The following COL5A1 variants were observed in gnomAD, a reference collection of about 807,000 sequenced individuals.
The protein encoded by COL5A1 is collagen alpha-1(V) chain.
In COL5A1, 16 loss-of-function variants were observed where a neutral mutation model predicts 263.7. That is an observed-to-expected ratio of 0.06 (90% CI 0.04 to 0.09). The LOEUF (loss-of-function observed/expected upper bound fraction) is 0.09, where lower values mean the gene tolerates loss of function less well. Ranked by LOEUF, COL5A1 falls within the 10% of genes least tolerant of loss-of-function variation. The probability of loss-of-function intolerance (pLI) is 1.00; values close to 1 mark genes in which losing one functional copy is unlikely to be tolerated. For synonymous variants in COL5A1, 1,012 were observed against 1,004.5 expected (o/e 1.01, Z -0.14); for missense variants, 2,036 against 2,540.5 (o/e 0.80, Z 4.27).
At chr9:134,666,546 C>T (rs1468250421) in intron 1 of COL5A1, among the ~76,000 whole-genome samples, 5 of 152,222 alleles carry the variant, frequency 3.3e-5, no homozygotes, top group African/African-American at 1.2e-4. Flanking sequence ...CAGGGACAGT[C>T]CCAGCCTGGC....
chr9:134,768,340 T>A, intron 24 of COL5A1, 70 bp from the exon 25 acceptor site: 2 of 1,338,932 alleles, frequency 1.5e-6, no homozygotes, highest in Non-Finnish European at 2.2e-6. Context: ...AAAGTAACCT[T>A]GGTGGCCGAC....
intron 13 of COL5A1, among the ~76,000 whole-genome samples, chr9:134,752,163 G>A (rs571025957): frequency 9.2e-5 from 14 of 152,280 alleles, no homozygotes; most frequent in East Asian, 5.8e-4. Flanking sequence ...TGCTTGAAGC[G>A]CCTCCCATGT....
chr9:134,780,436 A>G lies in COL5A1; in HGVS notation c.2430+290A>G, dbSNP rs34226173. On this transcript the variant is annotated intron_variant, in intron 28 of 65. Transcript: ENST00000371817. ...AGAAGGCCTTGGCCCCAGAGACAAC[A>G]CACGGCCCCCCACGTGCCTGCAGGG... Among the ~76,000 whole-genome samples the G allele has an allele frequency of 0.067, 10,131 of 152,266 alleles. 376 individuals are homozygous for G. Among genetic ancestry groups the G allele is most frequent in the Non-Finnish European group, 0.081 (5,519 of 68,014 alleles).
At position 134,680,903 on chromosome 9, in the gene COL5A1, G is replaced by A. The variant is rs975632321; in HGVS notation, c.110-10009G>A. ...AGCGCAGGGACAGGCTGGGAGTTTG[G>A]GCTCAGGTCTCCAGGTCTCCGCCTG... On this transcript the variant is annotated intron_variant, in intron 1 of 65. Coordinates refer to ENST00000371817, the MANE Select transcript of COL5A1 (RefSeq NM_000093.5). This position sits in a 1 kb window ranked among gnomAD's most constrained non-coding sequence, Gnocchi z 5.9. Among the ~76,000 whole-genome samples the A allele has an allele frequency of 6.6e-6, 1 of 152,168 alleles. No individual in the cohort carries two copies. The highest frequency in any genetic ancestry group is 2.4e-5 in the African/African-American group (1 of 41,442).
In COL5A1 at chr9:134,741,533, C is replaced by G. The variant is rs1293732984; in HGVS notation, c.1494+2725C>G. Among the ~76,000 whole-genome samples the G allele has an allele frequency of 1.3e-5, 2 of 151,816 alleles. No homozygotes were observed. Among genetic ancestry groups the G allele is most frequent in the Non-Finnish European group, 2.9e-5 (2 of 67,998 alleles). On this transcript the variant is annotated intron_variant, in intron 11 of 65. Coordinates refer to ENST00000371817, the MANE Select transcript of COL5A1 (RefSeq NM_000093.5). The surrounding 1 kb of genome is among the most constrained non-coding windows in gnomAD (Gnocchi z 4.5). ...GTTATCTTGGCAAAGTCTGTTGATG[C>G]AGATTCACTGGGGGCTGGCCTCCCT... is the stretch of plus-strand genomic sequence containing the variant.
Position 134,741,363 on chromosome 9 carries a change from T to C in COL5A1, c.1494+2555T>C, listed in dbSNP as rs905928527. ...TAAAAACCAAAAAAAGTGCTTGGGT[T>C]CGGGAGCATATATACCATTTTAACA... On this transcript the variant is annotated intron_variant, in intron 11 of 65. Transcript: ENST00000371817. This position sits in a 1 kb window ranked among gnomAD's most constrained non-coding sequence, Gnocchi z 4.5. Among the ~76,000 whole-genome samples the C allele has an allele frequency of 3.3e-5, 5 of 152,178 alleles. No homozygotes were observed. The highest frequency in any genetic ancestry group is 7.3e-5 in the Non-Finnish European group (5 of 68,038).
intron 19 of COL5A1, among the ~76,000 whole-genome samples, chr9:134,763,198 G>A (rs142256696): frequency 6.6e-6 from 1 of 152,336 alleles, no homozygotes; most frequent in African/African-American, 2.4e-5. Flanking sequence ...GAGGGACAGT[G>A]TTTGCAAACA....
At position 134,678,849 on chromosome 9, in the gene COL5A1, G is replaced by A. The variant is rs1832752608; in HGVS notation, c.110-12063G>A. Among the ~76,000 whole-genome samples the A allele has an allele frequency of 6.6e-6, 1 of 152,208 alleles. No individual in the cohort carries two copies. Among genetic ancestry groups the A allele is most frequent in the African/African-American group, 2.4e-5 (1 of 41,442 alleles). ...CCCTGAAGTGTCTGCTTTTTGCCAAGGCAGAGCCTGGGAAGAGGGAGCAGG... is the reference window on the plus strand; with the variant it reads ...CCCTGAAGTGTCTGCTTTTTGCCAAAGCAGAGCCTGGGAAGAGGGAGCAGG... On this transcript the variant is annotated intron_variant, in intron 1 of 65. Transcript: ENST00000371817. The surrounding 1 kb of genome is among the most constrained non-coding windows in gnomAD (Gnocchi z 5.5).
At chr9:134,710,534 GC>G (rs1833991150) in intron 4 of COL5A1, among the ~76,000 whole-genome samples, 1 of 140,986 alleles carries the variant, frequency 7.1e-6, no homozygotes, top group African/African-American at 2.7e-5. Flanking sequence ...TGGGGCAGGG[GC>G]CCCATTTGTT....
At chr9:134,679,237 C>A (rs886439866) in intron 1 of COL5A1, among the ~76,000 whole-genome samples, 2 of 151,990 alleles carry the variant, frequency 1.3e-5, no homozygotes, top group African/African-American at 2.4e-5. Context: ...CTGTCCCCTG[C>A]ACTGTGGGGC....
In COL5A1 at chr9:134,815,628, C is replaced by T. The variant is rs766796504; in HGVS notation, c.4067C>T (p.Ala1356Val). The T allele has an allele frequency of 3.7e-5, 60 of 1,613,482 alleles. No individual in the cohort carries two copies. Among genetic ancestry groups the T allele is most frequent in the African/African-American group, 1.2e-4 (9 of 74,888 alleles). ...DPGPPGEPGP[A>V]GQDGPPGDKG... ...GGCCCCCCCGGAGAGCCTGGCCCCGCGGTAGGTGCTCAAGAGGGCAAAGCC... is the reference window on the plus strand; with the variant it reads ...GGCCCCCCCGGAGAGCCTGGCCCCGTGGTAGGTGCTCAAGAGGGCAAAGCC... Residue 1356 changes from alanine (A) to valine (V), a missense_variant and splice_region_variant, in exon 51 of 66, where the codon GCG (alanine) becomes GTG (valine). Coordinates refer to ENST00000371817, the MANE Select transcript of COL5A1 (RefSeq NM_000093.5).
At chr9:134,826,509 GGTGTGTGGGCACATGTGGATGA>G (rs1347589515) in intron 63 of COL5A1, among the ~76,000 whole-genome samples, 1 of 152,130 alleles carries the variant, frequency 6.6e-6, no homozygotes, top group East Asian at 1.9e-4. Flanking sequence ...GCATGTGGAT[GGTGTGTGGGCACATGTGGATGA>G]GTGTGTGGAT....
chr9:134,842,091 T>C lies in COL5A1; in HGVS notation c.5371-66T>C. 2 of 1,583,534 alleles carry C rather than the reference T, an allele frequency of 1.3e-6. No homozygotes were observed. The highest frequency in any genetic ancestry group is 1.7e-6 in the Non-Finnish European group (2 of 1,154,196). On this transcript the variant is annotated intron_variant, in intron 65 of 65. Transcript: ENST00000371817. This position sits in a 1 kb window ranked among gnomAD's most constrained non-coding sequence, Gnocchi z 5.8. ...TTGGAGCCAGACAGATTGTGGGGGG[T>C]GATTGGTAAACCCCAAGACCCCCAA...
At chr9:134,785,199 T>TG in intron 30 of COL5A1, 103 bp downstream of exon 30, 2 of 854,100 alleles carry the variant, frequency 2.3e-6, no homozygotes, top group East Asian at 5.1e-5. Flanking sequence ...AGGCATGGGG[T>TG]GGGGGTGATT....
Position 134,789,095 on chromosome 9 carries a change from C to G in COL5A1, c.2647-60C>G. 1 of 1,514,830 alleles carries G rather than the reference C, an allele frequency of 6.6e-7. No homozygotes were observed. Among genetic ancestry groups the G allele is most frequent in the Non-Finnish European group, 9.2e-7 (1 of 1,092,646 alleles). The allele number at this position is 1,514,830 out of a possible 1,614,324, so 93.8% of individuals were successfully genotyped here. A position where few individuals can be genotyped will look rare whatever the true frequency, so the allele number is the denominator to read the frequency against. On this transcript the variant is annotated intron_variant, in intron 31 of 65. Coordinates refer to ENST00000371817, the MANE Select transcript of COL5A1 (RefSeq NM_000093.5). The surrounding 1 kb of genome is among the most constrained non-coding windows in gnomAD (Gnocchi z 4.8). ...CATGCAGGTGGTCCCCCAGGCGGCC[C>G]ATGCAGCATGACTCATTCCTGGCCC...
chr9:134,697,679 G>T (rs1833528529), intron 2 of COL5A1, among the ~76,000 whole-genome samples: 1 of 152,104 alleles, frequency 6.6e-6, no homozygotes. Context: ...GGCTGCCATG[G>T]TCCTGCTGGC....
At chr9:134,690,629 C>T (rs1042470600) in intron 1 of COL5A1, among the ~76,000 whole-genome samples, 3 of 152,132 alleles carry the variant, frequency 2.0e-5, no homozygotes, top group Non-Finnish European at 4.4e-5. Context: ...GGGTCTGCCC[C>T]TGGTGTGTGG....
chr9:134,743,612 C>T (rs1006307682), intron 11 of COL5A1, among the ~76,000 whole-genome samples: 3 of 152,174 alleles, frequency 2.0e-5, no homozygotes, highest in Non-Finnish European at 2.9e-5. Context: ...CACAGGGGCA[C>T]CTCGCTCCCT....
chr9:134,796,677 G>GC (rs1564464893), intron 35 of COL5A1, among the ~76,000 whole-genome samples, 171 bp from the exon 36 acceptor site: 1 of 152,162 alleles, frequency 6.6e-6, no homozygotes, highest in African/African-American at 2.4e-5. Context: ...GCCCCATCCT[G>GC]CCCCCGAGGG....
Sources: gnomAD v4.1 joint callset for allele counts (sites outside exome capture counted in the v4.1 genomes callset) on GRCh38, gnomAD v4.1.1 for gene constraint, Gnocchi (gnomAD v3.1) non-coding constraint, MANE v1.5 for transcripts, NCBI Gene and HGNC (gene_info 2026-07-23, HGNC 2026-07-21) for gene names.